Variants in SLC25A14 observed in about 807,000 individuals in gnomAD.
SLC25A14 encodes the protein solute carrier family 25 member 14, also known as brain mitochondrial carrier protein 1.
A neutral mutation model predicts 28.1 loss-of-function variants in SLC25A14; 8 were observed. That is an observed-to-expected ratio of 0.28 (90% confidence interval 0.17 to 0.51). SLC25A14 has a LOEUF of 0.51. Among genes scored for constraint, SLC25A14 ranks in the 20% least tolerant of loss-of-function variants. SLC25A14 has a pLI of 0.97. For missense variants in SLC25A14, 135 were observed against 263.8 expected, an observed-to-expected ratio of 0.51 and a Z score of 3.38; for synonymous variants, 74 against 90.6, an observed-to-expected ratio of 0.82 and a Z score of 1.04.
intron 8 of SLC25A14, chrX:130,365,052 G>A (rs976600024): frequency 1.3e-6 from 1 of 773,432 alleles, no homozygotes; most frequent in Non-Finnish European, 1.6e-6. Flanking sequence ...TATTTGCTTT[G>A]GTTAATTTTG....
chrX:130,364,514 GT>G lies in SLC25A14; in HGVS notation c.595-113del, dbSNP rs1211734304. On this transcript the variant is annotated intron_variant, in intron 7 of 10. Transcript: ENST00000545805. ...TCATTGATTTGAAAGAGTGACGTCT[GT>G]ACTTCAGACTTGTATTTTTCTGTTA... 8.6e-6 allele frequency: 4 copies of G among 463,360 alleles called. No homozygotes were observed. In the African/African-American group the frequency reaches 9.7e-5, roughly 11 times the overall value. The allele number at this position is 463,360 out of a possible 1,213,427, so 38.2% of individuals were successfully genotyped here. A position where few individuals can be genotyped will look rare whatever the true frequency, so the allele number is the denominator to read the frequency against.
chrX:130,341,159 A>G (rs1319003589), intron 2 of SLC25A14, among the ~76,000 whole-genome samples: 2 of 111,598 alleles, frequency 1.8e-5, no homozygotes, highest in Non-Finnish European at 3.8e-5. Flanking sequence ...CACCTCGGCA[A>G]TTTTCAAATT....
intron 9 of SLC25A14, among the ~76,000 whole-genome samples, chrX:130,367,460 T>C (rs952353471): frequency 9.0e-6 from 1 of 111,699 alleles, no homozygotes; most frequent in Admixed American, 9.5e-5. Flanking sequence ...TTGATGTGCA[T>C]GAGGAAAATC....
chrX:130,354,541 T>C (rs535631402), intron 6 of SLC25A14, among the ~76,000 whole-genome samples: 138 of 112,346 alleles, frequency 1.2e-3, no homozygotes, highest in African/African-American at 4.2e-3. Context: ...TGTAACCATC[T>C]AGAGGACTGC....
intron 9 of SLC25A14, among the ~76,000 whole-genome samples, chrX:130,368,790 A>G (rs1030837059): frequency 2.1e-4 from 23 of 112,056 alleles, no homozygotes; most frequent in African/African-American, 6.8e-4. Context: ...TACACAGCTA[A>G]TAAGAGGCAG....
intron 6 of SLC25A14, among the ~76,000 whole-genome samples, chrX:130,354,609 CAT>C (rs1359326396): frequency 2.7e-5 from 3 of 112,130 alleles, no homozygotes; most frequent in Non-Finnish European, 5.6e-5. Flanking sequence ...CAGGTTTCTT[CAT>C]TTTTGTTGCA....
intron 2 of SLC25A14, among the ~76,000 whole-genome samples, chrX:130,341,156 G>T (rs750248079): frequency 1.8e-5 from 2 of 111,624 alleles, no homozygotes; most frequent in African/African-American, 3.3e-5. Flanking sequence ...TCTCACCTCG[G>T]CAATTTTCAA....
chrX:130,372,418 T>A (rs5977250), intron 10 of SLC25A14, among the ~76,000 whole-genome samples: 1 of 109,733 alleles, frequency 9.1e-6, no homozygotes, highest in African/African-American at 3.3e-5. Context: ...AGGCACTCAA[T>A]GCATGCTTGA....
chrX:130,353,940 A>G (rs757313453), intron 6 of SLC25A14, among the ~76,000 whole-genome samples: 1 of 111,215 alleles, frequency 9.0e-6, no homozygotes, highest in Non-Finnish European at 1.9e-5. Flanking sequence ...TTGTTACTAC[A>G]CTATTTAGAT....
At position 130,358,562 on chromosome X, in the gene SLC25A14, A is replaced by T. The variant is rs888913813; in HGVS notation, c.499-78A>T. ...TTAAATTTTAGATGAATTTAAAATG[A>T]ATTTAAATGAACTTAAAATGAATTT... On this transcript the variant is annotated intron_variant, in intron 6 of 10. Coordinates refer to ENST00000545805, the MANE Select transcript of SLC25A14 (RefSeq NM_001282195.2). The T allele has an allele frequency of 1.0e-4, 64 of 632,381 alleles. No individual in the cohort carries two copies. In the Middle Eastern group the frequency reaches 2.1e-3, roughly 21 times the overall value. 52.1% of individuals were successfully genotyped at this position (632,381 alleles called of 1,213,427 possible).
At chrX:130,358,948 A>T in intron 7 of SLC25A14, 1 of 828,650 alleles carries the variant, frequency 1.2e-6, no homozygotes, top group Non-Finnish European at 1.7e-6. Context: ...TTATTACATT[A>T]TTTGAGATGG....
At chrX:130,357,080 C>T (rs2033815937) in intron 6 of SLC25A14, among the ~76,000 whole-genome samples, 1 of 112,269 alleles carries the variant, frequency 8.9e-6, no homozygotes, top group Admixed American at 9.4e-5. Context: ...TCCTTCAAGA[C>T]CAGGCTCATA....
intron 9 of SLC25A14, among the ~76,000 whole-genome samples, chrX:130,366,624 A>G (rs936018779): frequency 8.9e-6 from 1 of 112,452 alleles, no homozygotes; most frequent in Admixed American, 9.4e-5. Flanking sequence ...TGCTTTCCTC[A>G]TATTGGTGGC....
At position 130,371,254 on chromosome X, in the gene SLC25A14, G is replaced by A. The variant is rs954411446; in HGVS notation, c.856-310G>A. Among the ~76,000 whole-genome samples the A allele has an allele frequency of 4.5e-5, 5 of 111,656 alleles. 1 individual carries two copies. Among genetic ancestry groups the A allele is most frequent in the Admixed American group, 1.9e-4 (2 of 10,431 alleles). On this transcript the variant is annotated intron_variant, in intron 9 of 10. Transcript: ENST00000545805. The stretch of plus-strand genomic sequence containing the variant: ...CCAAATACTATGGGGTGGAGGCTAC[G>A]CAAGGGTACAAATAACTGGAGGTAG...
Position 130,339,943 on chromosome X carries a change from C to T in SLC25A14, c.-206C>T. Reference sequence around the variant, plus strand: ...CAGTGGCGTTTCCGACTGTGGGAGCCTCAGCTTCCCAGTCGTCCGATGAGC... The same window carrying T: ...CAGTGGCGTTTCCGACTGTGGGAGCTTCAGCTTCCCAGTCGTCCGATGAGC... On this transcript the variant is annotated 5_prime_UTR_variant, in exon 1 of 11. Coordinates refer to ENST00000545805, the MANE Select transcript of SLC25A14 (RefSeq NM_001282195.2). 2 of 842,602 alleles carry T rather than the reference C, an allele frequency of 2.4e-6. No individual in the cohort carries two copies. Among genetic ancestry groups the T allele is most frequent in the Non-Finnish European group, 1.4e-6 (1 of 696,975 alleles). The allele number at this position is 842,602 out of a possible 1,213,427, so 69.4% of individuals were successfully genotyped here.
intron 6 of SLC25A14, among the ~76,000 whole-genome samples, chrX:130,357,954 G>A (rs937114629): frequency 7.2e-5 from 8 of 111,513 alleles, no homozygotes; most frequent in African/African-American, 2.0e-4. Context: ...TTATAATTAC[G>A]TAAGCAATGC....
intron 7 of SLC25A14, among the ~76,000 whole-genome samples, chrX:130,362,153 T>A (rs868143509): frequency 2.3e-5 from 2 of 87,483 alleles, no homozygotes; most frequent in Admixed American, 1.2e-4. Flanking sequence ...TTATTTATTT[T>A]TTGAGACGGA....
chrX:130,356,542 T>C (rs2124759287), intron 6 of SLC25A14, among the ~76,000 whole-genome samples: 1 of 111,264 alleles, frequency 9.0e-6, no homozygotes, highest in African/African-American at 3.3e-5. Flanking sequence ...GACAACTTTT[T>C]CTCATTTAGT....
chrX:130,368,122 A>G (rs1302856084), intron 9 of SLC25A14, among the ~76,000 whole-genome samples: 1 of 112,466 alleles, frequency 8.9e-6, no homozygotes, highest in African/African-American at 3.2e-5. Flanking sequence ...GGAACCTAGG[A>G]AAGACACCAA....
Sources: gnomAD v4.1 joint callset for allele counts (sites outside exome capture counted in the v4.1 genomes callset) on GRCh38, gnomAD v4.1.1 for gene constraint, MANE v1.5 for transcripts, NCBI Gene and HGNC (gene_info 2026-07-23, HGNC 2026-07-21) for gene names.